Variants in GABRA3 observed in about 807,000 individuals in gnomAD.
GABRA3 encodes the protein gamma-aminobutyric acid type A receptor subunit alpha3.
Under a neutral mutation model 30.1 loss-of-function variants are expected in GABRA3, and 10 were observed. The ratio of observed to expected loss-of-function variants is 0.33; its 90% CI spans 0.20 to 0.56. The LOEUF (loss-of-function observed/expected upper bound fraction) is 0.56. GABRA3 is among the 20% of genes least tolerant of loss of function. The pLI, the probability that GABRA3 is intolerant of heterozygous loss-of-function variation, is 0.89. For missense variants in GABRA3, 233 were observed against 392.0 expected, an observed-to-expected ratio of 0.59 and a Z score of 3.42; for synonymous variants, 151 against 146.8, an observed-to-expected ratio of 1.03 and a Z score of -0.21.
At chrX:152,218,509 C>A (rs979132589) in intron 6 of GABRA3, among the ~76,000 whole-genome samples, 2 of 110,982 alleles carry the variant, frequency 1.8e-5, no homozygotes, top group Non-Finnish European at 3.8e-5. Flanking sequence ...TCTTGTATTT[C>A]TGTGTTGATC....
intron 2 of GABRA3, among the ~76,000 whole-genome samples, chrX:152,348,139 A>C (rs1439702588): frequency 8.9e-6 from 1 of 111,986 alleles, no homozygotes; most frequent in Admixed American, 9.5e-5. Context: ...AAGCAGATTT[A>C]ATCTGCGACC....
At chrX:152,399,693 A>G (rs1291844922) in intron 1 of GABRA3, among the ~76,000 whole-genome samples, 5 of 111,914 alleles carry the variant, frequency 4.5e-5, no homozygotes, top group Non-Finnish European at 7.5e-5. Context: ...TATTAGAGAG[A>G]GCTTTCTGAT....
intron 6 of GABRA3, among the ~76,000 whole-genome samples, chrX:152,219,925 G>A (rs1937800473): frequency 9.0e-6 from 1 of 111,207 alleles, no homozygotes; most frequent in Admixed American, 9.6e-5. Context: ...ATTTGGATGA[G>A]TGATTCTGTG....
intron 1 of GABRA3, among the ~76,000 whole-genome samples, chrX:152,388,951 C>T (rs1385416392): frequency 8.9e-6 from 1 of 111,948 alleles, no homozygotes; most frequent in Admixed American, 9.5e-5. Flanking sequence ...GAAGAGCAGG[C>T]AAATGTGGTA....
chrX:152,212,976 G>A (rs758513601), intron 6 of GABRA3, among the ~76,000 whole-genome samples: 19 of 111,069 alleles, frequency 1.7e-4, no homozygotes, highest in Admixed American at 7.7e-4. Flanking sequence ...CTGGGGTAGG[G>A]TGGAGGGACT....
At chrX:152,196,346 C>T (rs1271891194) in intron 8 of GABRA3, among the ~76,000 whole-genome samples, 6 of 98,387 alleles carry the variant, frequency 6.1e-5, no homozygotes, top group Admixed American at 2.3e-4. Flanking sequence ...TGCAGTGAGC[C>T]GAGAACGCTC....
intron 1 of GABRA3, among the ~76,000 whole-genome samples, chrX:152,382,333 A>G (rs1460064028): frequency 3.6e-5 from 4 of 112,115 alleles, no homozygotes; most frequent in African/African-American, 1.3e-4. Context: ...GGTTTGTGGG[A>G]GTGTAAATTA....
intron 1 of GABRA3, among the ~76,000 whole-genome samples, chrX:152,440,443 T>C (rs1930894152): frequency 8.9e-6 from 1 of 112,275 alleles, no homozygotes; most frequent in Non-Finnish European, 1.9e-5. Context: ...ACTTCAACCA[T>C]TGTGGAAGAC....
At chrX:152,271,238 C>T (rs1289146269) in intron 4 of GABRA3, among the ~76,000 whole-genome samples, 1 of 111,231 alleles carries the variant, frequency 9.0e-6, no homozygotes, top group Admixed American at 9.5e-5. Flanking sequence ...GCTGGGATTA[C>T]AGGCATGAGC....
chrX:152,258,543 T>A (rs1938676064), intron 4 of GABRA3, among the ~76,000 whole-genome samples: 1 of 111,941 alleles, frequency 8.9e-6, no homozygotes, highest in African/African-American at 3.2e-5. Context: ...TCCAGAATTG[T>A]TGAAATATAT....
chrX:152,226,718 C>A (rs1372801819), intron 5 of GABRA3, among the ~76,000 whole-genome samples: 2 of 111,315 alleles, frequency 1.8e-5, no homozygotes, highest in African/African-American at 6.5e-5. Flanking sequence ...AACAAGTGGG[C>A]GAAGGATATG....
chrX:152,298,803 G>T (rs1450432880), intron 3 of GABRA3, among the ~76,000 whole-genome samples: 3 of 111,820 alleles, frequency 2.7e-5, no homozygotes, highest in Non-Finnish European at 5.6e-5. Context: ...TCACCACACT[G>T]ACTTCCACAA....
intron 1 of GABRA3, among the ~76,000 whole-genome samples, chrX:152,443,633 T>A (rs1354524900): frequency 9.0e-6 from 1 of 111,395 alleles, no homozygotes; most frequent in Non-Finnish European, 1.9e-5. Context: ...ATAGATGTAA[T>A]GTATCTAGTC....
intron 3 of GABRA3, among the ~76,000 whole-genome samples, chrX:152,299,372 G>A (rs1177832993): frequency 9.0e-6 from 1 of 110,597 alleles, no homozygotes; most frequent in Non-Finnish European, 1.9e-5. Flanking sequence ...CTGGGGTATG[G>A]CTCAGTTTGA....
intron 3 of GABRA3, among the ~76,000 whole-genome samples, chrX:152,309,191 G>C (rs1249061535): frequency 9.0e-6 from 1 of 111,526 alleles, no homozygotes; most frequent in African/African-American, 3.3e-5. Flanking sequence ...GAGGGAGAGA[G>C]AACAATCAAC....
chrX:152,392,100 C>A, intron 1 of GABRA3: 1 of 281,334 alleles, frequency 3.6e-6, no homozygotes, highest in Non-Finnish European at 7.3e-6. Context: ...AAGCAGTGAG[C>A]ATTGTGCACA....
intron 5 of GABRA3, among the ~76,000 whole-genome samples, chrX:152,233,549 G>A (rs1319043425): frequency 3.6e-5 from 4 of 109,767 alleles, no homozygotes; most frequent in Admixed American, 9.7e-5. Flanking sequence ...AGGAAACAAT[G>A]GGTACTGGAG....
At chrX:152,381,064 G>T (rs965042146) in intron 1 of GABRA3, among the ~76,000 whole-genome samples, 2 of 111,556 alleles carry the variant, frequency 1.8e-5, no homozygotes, top group African/African-American at 3.3e-5. Flanking sequence ...CCTCAGATTT[G>T]ATCTCCTTTT....
intron 3 of GABRA3, among the ~76,000 whole-genome samples, chrX:152,322,879 A>G (rs1340302617): frequency 1.6e-5 from 1 of 62,214 alleles, no homozygotes; most frequent in East Asian, 5.3e-4. Context: ...TTTGAGACAA[A>G]GTCTTGCTCT....
Sources: gnomAD v4.1 joint callset for allele counts (sites outside exome capture counted in the v4.1 genomes callset) on GRCh38, gnomAD v4.1.1 for gene constraint, MANE v1.5 for transcripts, NCBI Gene and HGNC (gene_info 2026-07-23, HGNC 2026-07-21) for gene names.